COG4: variants seen among roughly 807,000 people sequenced by gnomAD.
The protein encoded by COG4 is conserved oligomeric Golgi complex subunit 4.
In COG4, 65 loss-of-function variants were observed where a neutral mutation model predicts 95.1. That is an observed-to-expected ratio of 0.68 (90% confidence interval 0.56 to 0.84). The LOEUF is 0.84. COG4 is among the 40% of genes least tolerant of loss of function. The pLI is 0.00. For missense variants in COG4, 1,045 were observed against 989.1 expected (o/e 1.06, Z -0.76); for synonymous variants, 421 against 374.8 (o/e 1.12, Z -1.42).
In COG4 at chr16:70,523,420, C is replaced by A; in HGVS notation, c.124G>T (p.Glu42Ter). The A allele has an allele frequency of 6.2e-7, 1 of 1,614,112 alleles. No individual in the cohort carries two copies. The highest frequency in any genetic ancestry group is 1.3e-5 in the African/African-American group (1 of 75,056). Residue 42 changes from glutamate (E) to a stop codon, truncating the protein, a stop_gained, in exon 1 of 19, where the codon GAG (glutamate) becomes TAG (stop). Coordinates refer to ENST00000323786, the MANE Select transcript of COG4 (RefSeq NM_015386.3). LOFTEE classifies it high-confidence loss of function. Reference protein sequence around the residue: ...ISAELIRSLTELQELEAVYER... With the variant: ...ISAELIRSLT The stretch of plus-strand genomic sequence containing the variant: ...TATACAGCCTCCAGCTCCTGCAGCT[C>A]TGTCAGGGAGCGAATGAGCTCAGCG...
chr16:70,487,581 C>CA (rs373640185), intron 13 of COG4, among the ~76,000 whole-genome samples: 17 of 150,658 alleles, frequency 1.1e-4, no homozygotes, highest in East Asian at 1.9e-4. Flanking sequence ...GACTCCGTCT[C>CA]AAAAAAAAAC....
chr16:70,501,458 A>G (rs2049448181), intron 8 of COG4: 1 of 263,822 alleles, frequency 3.8e-6, no homozygotes, highest in Admixed American at 4.9e-5. Flanking sequence ...GGTTCACGCC[A>G]TTTCTCCTGC....
intron 8 of COG4, 68 bp from the exon 9 acceptor site, chr16:70,501,159 A>G (rs1597672397): frequency 2.5e-6 from 4 of 1,571,424 alleles, no homozygotes; most frequent in East Asian, 2.2e-5. Context: ...CTACAGGGCA[A>G]AGAGAGTCCC....
intron 8 of COG4, among the ~76,000 whole-genome samples, chr16:70,505,354 C>T (rs1406241228): frequency 2.7e-5 from 4 of 150,696 alleles, no homozygotes; most frequent in Admixed American, 6.6e-5. Flanking sequence ...CCCGCCAACA[C>T]ACCCAGCTAA....
intron 12 of COG4, among the ~76,000 whole-genome samples, chr16:70,490,809 G>A (rs1361305488): frequency 6.6e-6 from 1 of 152,020 alleles, no homozygotes; most frequent in Non-Finnish European, 1.5e-5. Flanking sequence ...ACAGGCGCCC[G>A]CCACTACGCC....
chr16:70,498,461 T>A (rs2049384845), intron 9 of COG4, among the ~76,000 whole-genome samples: 2 of 152,112 alleles, frequency 1.3e-5, no homozygotes, highest in Admixed American at 1.3e-4. Context: ...CCCGAGTAGC[T>A]GGGATTACAG....
chr16:70,481,513 C>A, intron 17 of COG4, 26 bp from the exon 18 acceptor site: 1 of 1,610,234 alleles, frequency 6.2e-7, no homozygotes, highest in Non-Finnish European at 8.5e-7. Context: ...AGCCCAGTCA[C>A]TACTTAGGCC....
chr16:70,490,286 G>A (rs747888849), intron 13 of COG4, 44 bp downstream of exon 13: 1 of 1,500,826 alleles, frequency 6.7e-7, no homozygotes, highest in Non-Finnish European at 9.3e-7. Context: ...TCTCAACATG[G>A]GAAAAGATGG....
intron 5 of COG4, among the ~76,000 whole-genome samples, chr16:70,511,840 G>C (rs562559220): frequency 6.6e-6 from 1 of 152,200 alleles, no homozygotes; most frequent in South Asian, 2.1e-4. Flanking sequence ...GCTGAGGCAG[G>C]AGAATAGCTT....
chr16:70,505,401 A>T (rs1306842229), intron 8 of COG4, among the ~76,000 whole-genome samples: 6 of 149,256 alleles, frequency 4.0e-5, no homozygotes, highest in African/African-American at 1.5e-4. Flanking sequence ...ACAGGGTTTC[A>T]CCGTGTTAGC....
At chr16:70,491,824 CAA>C (rs772831502) in intron 12 of COG4, among the ~76,000 whole-genome samples, 124 of 59,346 alleles carry the variant, frequency 2.1e-3, no homozygotes, top group African/African-American at 3.9e-3. Context: ...AACTACGTCT[CAA>C]AAAAAAAAAA....
chr16:70,501,056 A>G lies in COG4; in HGVS notation c.1097T>C (p.Met366Thr). ...TAAGTATAGCTCACTGCGGGCATTC[A>G]TCAGGGTGACCTCAGTCAGGATGGG... ...LDPILTEVTLMNARSELYLRF... is the reference protein window; with the variant it reads ...LDPILTEVTLTNARSELYLRF... Residue 366 changes from methionine to threonine, a missense_variant, in exon 9 of 19, where the codon ATG becomes ACG. Coordinates refer to ENST00000323786, the MANE Select transcript of COG4 (RefSeq NM_015386.3). 6.2e-7 allele frequency: 1 copy of G among 1,613,956 alleles called. No individual in the cohort carries two copies. Among genetic ancestry groups the G allele is most frequent in the Non-Finnish European group, 8.5e-7 (1 of 1,180,016 alleles).
At chr16:70,504,227 G>T (rs1262029475) in intron 8 of COG4, among the ~76,000 whole-genome samples, 1 of 152,078 alleles carries the variant, frequency 6.6e-6, no homozygotes, top group Non-Finnish European at 1.5e-5. Flanking sequence ...ATACCCCCCT[G>T]GGGTATTTTA....
chr16:70,505,645 C>T lies in COG4; in HGVS notation c.1061+2761G>A, dbSNP rs966761698. Among the ~76,000 whole-genome samples, 17 of 148,952 alleles carry T rather than the reference C, an allele frequency of 1.1e-4. 1 individual carries two copies. The South Asian group carries it at 2.8e-3, about 25-fold the overall frequency. ...GAGATCGAGACCATCCTGGCTAACA[C>T]GGTGAAACCCCGTCTCTACTAAAAA... is the stretch of plus-strand genomic sequence containing the variant. On this transcript the variant is annotated intron_variant, in intron 8 of 18. Transcript: ENST00000323786.
chr16:70,501,101 A>G lies in COG4; in HGVS notation c.1062-10T>C, dbSNP rs1483616742. On this transcript the variant is annotated splice_polypyrimidine_tract_variant and intron_variant, in intron 8 of 18. Transcript: ENST00000323786. ...GATGGGGTCCAGTTCTCTGAGACAC[A>G]TGGAGCAGAAGGAATAGGACGACAA... The G allele has an allele frequency of 1.9e-6, 3 of 1,612,498 alleles. No homozygotes were observed. The highest frequency in any genetic ancestry group is 2.7e-5 in the African/African-American group (2 of 74,914).
rs748742291 is a variant in COG4 at position 70,497,423 on chromosome 16, G to A, written c.1315-36C>T. 2.5e-6 allele frequency: 4 copies of A among 1,601,634 alleles called. No individual in the cohort carries two copies. The South Asian group carries it at 3.3e-5, about 13-fold the overall frequency. On this transcript the variant is annotated intron_variant, in intron 10 of 18. Transcript: ENST00000323786. ...GGCAAAGCCAACACTGAGGGTCCCA[G>A]TTGTGCATGTCATGTTCTAGATGAT...
At chr16:70,522,569 TCTCC>T (rs931413734) in intron 1 of COG4, among the ~76,000 whole-genome samples, 2 of 152,222 alleles carry the variant, frequency 1.3e-5, no homozygotes, top group African/African-American at 4.8e-5. Context: ...AACGATCACC[TCTCC>T]CTCAGGCTGA....
intron 13 of COG4, among the ~76,000 whole-genome samples, chr16:70,488,145 T>C (rs1462685808): frequency 3.3e-5 from 5 of 151,902 alleles, no homozygotes; most frequent in Admixed American, 3.3e-4. Context: ...CCTTTTTTTT[T>C]TCTTTTGAGA....
chr16:70,506,530 T>TTGG (rs904464863), intron 8 of COG4, among the ~76,000 whole-genome samples: 5 of 139,528 alleles, frequency 3.6e-5, no homozygotes, highest in Non-Finnish European at 7.5e-5. Context: ...GGTGGAGGTT[T>TTGG]TGGTGAGTCG....
Sources: allele counts gnomAD v4.1 joint callset (sites outside exome capture counted in the v4.1 genomes callset), GRCh38; gene constraint gnomAD v4.1.1; transcripts MANE v1.5; gene names NCBI Gene and HGNC (gene_info 2026-07-23, HGNC 2026-07-21).